Variants in SLC25A48 observed in about 807,000 individuals in gnomAD.
The protein encoded by SLC25A48 is CTC-321K16.1.
In SLC25A48, 29 loss-of-function variants were observed where a neutral mutation model predicts 32.2. That is an observed-to-expected ratio of 0.90 (90% confidence interval 0.67 to 1.23). SLC25A48 has a LOEUF of 1.23. Ranked by LOEUF, SLC25A48 falls within the 50% of genes most tolerant of loss-of-function variation. The pLI is 0.00. For synonymous variants in SLC25A48, 164 were observed against 172.3 expected (o/e 0.95, Z 0.38); for missense variants, 399 against 422.7 (o/e 0.94, Z 0.49).
intron 1 of SLC25A48, among the ~76,000 whole-genome samples, chr5:135,585,965 A>G (rs1454797773): frequency 6.6e-6 from 1 of 152,190 alleles, no homozygotes; most frequent in African/African-American, 2.4e-5. Context: ...CTTTATATTT[A>G]TGAAATGCTT....
chr5:135,593,610 C>T (rs1751578112), intron 1 of SLC25A48, among the ~76,000 whole-genome samples: 2 of 152,196 alleles, frequency 1.3e-5, no homozygotes, highest in Admixed American at 6.5e-5. Context: ...GAGGACAGCG[C>T]CTTCAGGTAC....
chr5:135,828,701 G>A (rs980832906), intron 4 of SLC25A48, among the ~76,000 whole-genome samples: 6 of 152,224 alleles, frequency 3.9e-5, no homozygotes, highest in African/African-American at 7.2e-5. Context: ...TCATCCACTC[G>A]CAGAGCAGCA....
intron 3 of SLC25A48, among the ~76,000 whole-genome samples, chr5:135,763,643 C>G (rs759670461): frequency 5.3e-4 from 81 of 152,108 alleles, no homozygotes; most frequent in Non-Finnish European, 1.0e-3. Context: ...AGGTGTTCCA[C>G]TGGCCCACCT....
chr5:135,757,207 CTATAT>C (rs1755936134), intron 3 of SLC25A48, among the ~76,000 whole-genome samples: 1 of 149,668 alleles, frequency 6.7e-6, no homozygotes, highest in Non-Finnish European at 1.5e-5. Context: ...TTAATGTCAT[CTATAT>C]TATATTCAAA....
chr5:135,756,435 A>T (rs762161308), intron 3 of SLC25A48, among the ~76,000 whole-genome samples: 9 of 152,108 alleles, frequency 5.9e-5, no homozygotes, highest in Admixed American at 2.0e-4. Flanking sequence ...CTGTGATCCC[A>T]GGCCAAGGTG....
At chr5:135,798,157 C>G (rs1426213556) in intron 3 of SLC25A48, among the ~76,000 whole-genome samples, 1 of 151,726 alleles carries the variant, frequency 6.6e-6, no homozygotes, top group Non-Finnish European at 1.5e-5. Context: ...TTCCAAATAT[C>G]ACAGGGGCTG....
At chr5:135,821,046 T>C (rs1037873104) in intron 4 of SLC25A48, among the ~76,000 whole-genome samples, 2 of 152,190 alleles carry the variant, frequency 1.3e-5, no homozygotes, top group African/African-American at 2.4e-5. Flanking sequence ...AGAAACTAAC[T>C]AGAGCCCCCT....
At chr5:135,681,456 G>A (rs990870302) in intron 3 of SLC25A48, among the ~76,000 whole-genome samples, 2 of 152,002 alleles carry the variant, frequency 1.3e-5, no homozygotes, top group East Asian at 1.9e-4. Context: ...TTTTACTTTC[G>A]TCTATCTTCT....
At chr5:135,587,947 A>G (rs1484070678) in intron 1 of SLC25A48, among the ~76,000 whole-genome samples, 1 of 152,168 alleles carries the variant, frequency 6.6e-6, no homozygotes, top group East Asian at 1.9e-4. Flanking sequence ...CTAGAGAGAG[A>G]GGGCAGGAGG....
chr5:135,874,843 C>A, intron 6 of SLC25A48: 1 of 514,142 alleles, frequency 1.9e-6, no homozygotes, highest in South Asian at 2.8e-5. Context: ...AGGAACTATC[C>A]TGCTGGCTCT....
chr5:135,715,666 C>T (rs1418446415), intron 3 of SLC25A48, among the ~76,000 whole-genome samples: 1 of 152,218 alleles, frequency 6.6e-6, no homozygotes, highest in Non-Finnish European at 1.5e-5. Flanking sequence ...TGCCAAAGGG[C>T]ATTTGTAGGA....
chr5:135,590,118 G>A (rs745822705), intron 1 of SLC25A48, among the ~76,000 whole-genome samples: 1 of 152,288 alleles, frequency 6.6e-6, no homozygotes, highest in Admixed American at 6.5e-5. Context: ...ATAGCGATTT[G>A]GGAAGTTCTT....
intron 6 of SLC25A48, among the ~76,000 whole-genome samples, chr5:135,877,308 C>T (rs777164423): frequency 6.6e-6 from 1 of 152,044 alleles, no homozygotes; most frequent in Non-Finnish European, 1.5e-5. Context: ...AATCTTGGCT[C>T]CAAGGAAGCA....
chr5:135,813,550 T>G (rs1247829545), intron 4 of SLC25A48, among the ~76,000 whole-genome samples: 1 of 152,176 alleles, frequency 6.6e-6, no homozygotes, highest in Non-Finnish European at 1.5e-5. Context: ...AGCACTGGTG[T>G]TGTTACTATG....
intron 2 of SLC25A48, among the ~76,000 whole-genome samples, chr5:135,849,970 G>A (rs1759709885): frequency 6.6e-6 from 1 of 152,218 alleles, no homozygotes; most frequent in Non-Finnish European, 1.5e-5. Context: ...GAGAAATGGA[G>A]GAAGTGAGGG....
intron 3 of SLC25A48, among the ~76,000 whole-genome samples, chr5:135,801,857 G>A (rs1428428401): frequency 6.6e-6 from 1 of 151,592 alleles, no homozygotes; most frequent in Non-Finnish European, 1.5e-5. Flanking sequence ...TATCCGGGGG[G>A]CGGGGATGAT....
intron 3 of SLC25A48, among the ~76,000 whole-genome samples, chr5:135,670,568 G>A (rs1753633045): frequency 6.6e-6 from 1 of 152,200 alleles, no homozygotes; most frequent in African/African-American, 2.4e-5. Context: ...CTCAGTTGCA[G>A]TATGAAGATA....
At chr5:135,588,702 C>T (rs1043994028) in intron 1 of SLC25A48, among the ~76,000 whole-genome samples, 10 of 152,058 alleles carry the variant, frequency 6.6e-5, no homozygotes, top group African/African-American at 1.9e-4. Flanking sequence ...GAAGGTGACC[C>T]GCAGGGACAG....
chr5:135,767,393 C>T (rs976954187), intron 3 of SLC25A48, among the ~76,000 whole-genome samples: 42 of 151,488 alleles, frequency 2.8e-4, no homozygotes, highest in African/African-American at 8.5e-4. Flanking sequence ...ATATTGCGGG[C>T]GGTGCACACA....
Sources: allele counts gnomAD v4.1 joint callset (sites outside exome capture counted in the v4.1 genomes callset), GRCh38; gene constraint gnomAD v4.1.1; transcripts MANE v1.5; gene names NCBI Gene and HGNC (gene_info 2026-07-23, HGNC 2026-07-21).